The following PTPN2 variants were observed in gnomAD, a reference collection of about 807,000 sequenced individuals.
PTPN2 encodes tyrosine-protein phosphatase non-receptor type 2.
A neutral mutation model predicts 57.3 loss-of-function variants in PTPN2; 19 were observed. The ratio of observed to expected loss-of-function variants is 0.33; its 90% confidence interval spans 0.23 to 0.49. The LOEUF (loss-of-function observed/expected upper bound fraction) is 0.49. PTPN2 is among the 20% of genes least tolerant of loss of function. The probability of loss-of-function intolerance (pLI) is 0.99; values close to 1 mark genes in which losing one functional copy is unlikely to be tolerated. For missense variants in PTPN2, 358 were observed against 501.1 expected (o/e 0.71, Z 2.73); for synonymous variants, 153 against 164.9 (o/e 0.93, Z 0.55).
chr18:12,796,937 G>A lies in PTPN2; in HGVS notation c.1041-2452C>T, dbSNP rs187303689. 2.9e-3 allele frequency among the ~76,000 whole-genome samples: 434 copies of A among 152,136 alleles called. 1 individual carries two copies. The highest frequency in any genetic ancestry group is 4.9e-3 in the Non-Finnish European group (336 of 67,988). Reference sequence around the variant, plus strand: ...TATTCTGCAACTTGAGGACAGACTGGGTTTTGCTATCTTTGTTCATCTTAT... The same window carrying A: ...TATTCTGCAACTTGAGGACAGACTGAGTTTTGCTATCTTTGTTCATCTTAT... On this transcript the variant is annotated intron_variant, in intron 8 of 8. Coordinates refer to ENST00000309660, the MANE Select transcript of PTPN2 (RefSeq NM_002828.4).
chr18:12,798,339 C>T (rs2041272585), intron 8 of PTPN2, among the ~76,000 whole-genome samples: 1 of 152,080 alleles, frequency 6.6e-6, no homozygotes, highest in Admixed American at 6.6e-5. Flanking sequence ...TTTTGTTGTA[C>T]AGATTATTTC....
At chr18:12,794,771 A>G (rs1322178847) in intron 8 of PTPN2, among the ~76,000 whole-genome samples, 1 of 152,130 alleles carries the variant, frequency 6.6e-6, no homozygotes, top group Non-Finnish European at 1.5e-5. Flanking sequence ...GCAGGCGTGC[A>G]CCACTATGCC....
intron 4 of PTPN2, among the ~76,000 whole-genome samples, chr18:12,827,355 A>ATAAT (rs1287213352): frequency 7.0e-6 from 1 of 143,398 alleles, no homozygotes; most frequent in Non-Finnish European, 1.5e-5. Flanking sequence ...AAAAAAAAAA[A>ATAAT]AATAATAATA....
intron 5 of PTPN2, among the ~76,000 whole-genome samples, chr18:12,822,929 G>C (rs574080088): frequency 4.6e-4 from 70 of 152,138 alleles, no homozygotes; most frequent in Non-Finnish European, 8.4e-4. Context: ...AAGTAGGTAC[G>C]TTATCACCCT....
At chr18:12,789,835 A>T (rs1161896646), downstream of PTPN2, among the ~76,000 whole-genome samples, 1 of 150,256 alleles carries the variant, frequency 6.7e-6, no homozygotes, top group Admixed American at 6.7e-5. Flanking sequence ...CTTTATTTTT[A>T]TATCTATTTT....
chr18:12,873,893 C>T (rs879024133), intron 1 of PTPN2, among the ~76,000 whole-genome samples: 4 of 151,834 alleles, frequency 2.6e-5, no homozygotes, highest in African/African-American at 7.3e-5. Context: ...AGTGCCTTTG[C>T]CCCGCCGCCC....
chr18:12,855,155 TGG>T (rs2043540980), intron 2 of PTPN2, among the ~76,000 whole-genome samples: 1 of 151,994 alleles, frequency 6.6e-6, no homozygotes, highest in Admixed American at 6.6e-5. Flanking sequence ...TAAGTTTCAG[TGG>T]GGAGGCTGGA....
intron 2 of PTPN2, among the ~76,000 whole-genome samples, chr18:12,853,134 G>C (rs562002048): frequency 2.0e-4 from 31 of 152,296 alleles, no homozygotes; most frequent in Non-Finnish European, 3.4e-4. Context: ...CAACTGTCAA[G>C]TACTATGTAT....
intron 1 of PTPN2, among the ~76,000 whole-genome samples, chr18:12,870,394 T>G (rs1254403110): frequency 1.2e-5 from 1 of 84,836 alleles, no homozygotes; most frequent in Non-Finnish European, 2.0e-5. Flanking sequence ...CGTATATATG[T>G]ATATATACAC....
chr18:12,786,792 CA>C (rs1444512471), intron 9 of PTPN2: 1 of 152,198 alleles, frequency 6.6e-6, no homozygotes, highest in Non-Finnish European at 1.5e-5. Flanking sequence ...GGGCACTTGG[CA>C]TAATTGTACC....
At chr18:12,807,424 A>G (rs907416203) in intron 7 of PTPN2, among the ~76,000 whole-genome samples, 2 of 151,318 alleles carry the variant, frequency 1.3e-5, no homozygotes, top group African/African-American at 4.9e-5. Context: ...CAATCCCACT[A>G]CTGGGTATTT....
At chr18:12,825,132 G>C (rs2042403900) in intron 5 of PTPN2, among the ~76,000 whole-genome samples, 1 of 152,010 alleles carries the variant, frequency 6.6e-6, no homozygotes, top group Non-Finnish European at 1.5e-5. Flanking sequence ...AAACACCCAA[G>C]TAAATGTTCT....
chr18:12,837,233 T>C (rs894524921), intron 2 of PTPN2, among the ~76,000 whole-genome samples: 3 of 152,176 alleles, frequency 2.0e-5, no homozygotes, highest in South Asian at 2.1e-4. Flanking sequence ...TACCTAAGAA[T>C]TGATTGGTCT....
Position 12,830,451 on chromosome 18 carries a change from T to C in PTPN2, c.360+492A>G, listed in dbSNP as rs73404455. Among the ~76,000 whole-genome samples the C allele has an allele frequency of 4.2e-3, 633 of 152,206 alleles. 4 individuals are homozygous for C. The highest frequency in any genetic ancestry group is 0.014 in the African/African-American group (567 of 41,532). ...CCTGGCCTAATCCTTAATTTTTAAA[T>C]GATATTGAAGATCAGGAAAAACCCC... On this transcript the variant is annotated intron_variant, in intron 4 of 8. Coordinates refer to ENST00000309660, the MANE Select transcript of PTPN2 (RefSeq NM_002828.4).
chr18:12,876,221 G>A (rs184532559), intron 1 of PTPN2, among the ~76,000 whole-genome samples: 38 of 151,322 alleles, frequency 2.5e-4, no homozygotes, highest in African/African-American at 9.0e-4. Context: ...GCCACTTCGG[G>A]AAGCCAAGGT....
At chr18:12,806,511 A>T (rs1200958514) in intron 7 of PTPN2, among the ~76,000 whole-genome samples, 1 of 152,198 alleles carries the variant, frequency 6.6e-6, no homozygotes, top group Non-Finnish European at 1.5e-5. Flanking sequence ...TTGAGCAAAA[A>T]GCTGGGGGCA....
chr18:12,877,793 C>CCT (rs758074381), intron 1 of PTPN2, among the ~76,000 whole-genome samples: 78 of 152,194 alleles, frequency 5.1e-4, no homozygotes, highest in Non-Finnish European at 9.0e-4. Flanking sequence ...AGGTGGATCA[C>CCT]AAAGTCAGGA....
chr18:12,809,634 A>C (rs1039119063), intron 7 of PTPN2, among the ~76,000 whole-genome samples: 2 of 152,198 alleles, frequency 1.3e-5, no homozygotes, highest in African/African-American at 2.4e-5. Flanking sequence ...GGAGTCTTGG[A>C]TCTAATAAAT....
At chr18:12,851,718 G>A (rs960138881) in intron 2 of PTPN2, among the ~76,000 whole-genome samples, 5 of 152,112 alleles carry the variant, frequency 3.3e-5, no homozygotes, top group Admixed American at 6.5e-5. Flanking sequence ...ATCATGCAGG[G>A]AGCGTGCCGA....
Sources: allele counts gnomAD v4.1 joint callset (sites outside exome capture counted in the v4.1 genomes callset), GRCh38; gene constraint gnomAD v4.1.1; transcripts MANE v1.5; gene names NCBI Gene and HGNC (gene_info 2026-07-23, HGNC 2026-07-21).